COL23A1: variants seen among roughly 807,000 people sequenced by gnomAD.
COL23A1 encodes the protein collagen alpha-1(XXIII) chain.
In COL23A1, 97 loss-of-function variants were observed where a neutral mutation model predicts 99.3. The observed-to-expected ratio is 0.98, with a 90% CI of 0.83 to 1.16. The LOEUF (loss-of-function observed/expected upper bound fraction) is 1.16. COL23A1 is among the 50% of genes most tolerant of loss of function. The pLI is 0.00. For synonymous variants in COL23A1, 320 were observed against 308.2 expected (o/e 1.04, Z -0.40); for missense variants, 762 against 757.4 (o/e 1.01, Z -0.07).
chr5:178,320,436 GTCCCCTCACCTCAT>G (rs1759230652), intron 2 of COL23A1, among the ~76,000 whole-genome samples: 1 of 152,194 alleles, frequency 6.6e-6, no homozygotes, highest in African/African-American at 2.4e-5. Flanking sequence ...ACAGCCCTGC[GTCCCCTCACCTCAT>G]TCTCAGAGCA....
Position 178,589,420 on chromosome 5 carries a change from G to GGC in COL23A1, c.294+483_294+484insGC, listed in dbSNP as rs75312186. Among the ~76,000 whole-genome samples the GGC allele has an allele frequency of 0.11, 16,953 of 152,104 alleles. 1,393 individuals are homozygous for GGC. The highest frequency in any genetic ancestry group is 0.31 in the East Asian group (1,586 of 5,098). ...GCTGGAGACACACTGGAGCACAGCG[G>GGC]GGCCCAGCCCTCGGGCCTGTCTGAG... On this transcript the variant is annotated intron_variant, in intron 1 of 28. Coordinates refer to ENST00000390654, the MANE Select transcript of COL23A1 (RefSeq NM_173465.4). The surrounding 1 kb of genome is among the most constrained non-coding windows in gnomAD (Gnocchi z 5.4).
chr5:178,319,887 C>CCTCCCTAT (rs146607015), intron 2 of COL23A1, among the ~76,000 whole-genome samples: 29 of 151,492 alleles, frequency 1.9e-4, no homozygotes, highest in African/African-American at 7.0e-4. Context: ...GAGGCCTCCC[C>CCTCCCTAT]CGCCCTATCT....
intron 2 of COL23A1, among the ~76,000 whole-genome samples, chr5:178,474,742 A>G (rs1011564151): frequency 6.6e-6 from 1 of 152,252 alleles, no homozygotes; most frequent in Non-Finnish European, 1.5e-5. Flanking sequence ...AAGAAAATCA[A>G]TTGCTCCCAA....
rs372511872 is a variant in COL23A1 at position 178,268,661 on chromosome 5, C to T, written c.495+69G>A. 1.5e-4 allele frequency: 237 copies of T among 1,536,006 alleles called. 3 individuals are homozygous for T. In the African/African-American group the frequency reaches 2.1e-3, roughly 14 times the overall value. On this transcript the variant is annotated intron_variant, in intron 7 of 28. Coordinates refer to ENST00000390654, the MANE Select transcript of COL23A1 (RefSeq NM_173465.4). ...GTGCTCAAGGGCACACTGGAACTGG[C>T]GTTCGGAGGCAGGTTTCTGGGATTC...
At chr5:178,374,542 C>T (rs1271467164) in intron 2 of COL23A1, among the ~76,000 whole-genome samples, 1 of 152,228 alleles carries the variant, frequency 6.6e-6, no homozygotes, top group Non-Finnish European at 1.5e-5. Context: ...CCTGTGACTT[C>T]TCTGTGCCTC....
intron 2 of COL23A1, among the ~76,000 whole-genome samples, chr5:178,320,618 T>C (rs1238509840): frequency 6.6e-6 from 1 of 152,192 alleles, no homozygotes; most frequent in Non-Finnish European, 1.5e-5. Context: ...TCCCAAATCC[T>C]GGCCTATGAG....
chr5:178,270,330 C>T lies in COL23A1; in HGVS notation c.468+7G>A, dbSNP rs767640717. ...GGACCCCCTGGAATTGCCCTGTCATCACTTACGGGCTTGCCATCCAAACCC... is the reference window on the plus strand; with the variant it reads ...GGACCCCCTGGAATTGCCCTGTCATTACTTACGGGCTTGCCATCCAAACCC... On this transcript the variant is annotated splice_region_variant and intron_variant, in intron 6 of 28. Transcript: ENST00000390654. 6.2e-7 allele frequency: 1 copy of T among 1,613,946 alleles called. No homozygotes were observed. Among genetic ancestry groups the T allele is most frequent in the East Asian group, 2.2e-5 (1 of 44,888 alleles).
At chr5:178,262,062 G>GA (rs1765654371) in intron 10 of COL23A1, among the ~76,000 whole-genome samples, 155 bp downstream of exon 10, 1 of 152,086 alleles carries the variant, frequency 6.6e-6, no homozygotes, top group African/African-American at 2.4e-5. Context: ...GTGCACAGGG[G>GA]TCCACACACA....
intron 2 of COL23A1, among the ~76,000 whole-genome samples, chr5:178,403,410 T>C (rs1764579673): frequency 6.6e-6 from 1 of 152,094 alleles, no homozygotes; most frequent in African/African-American, 2.4e-5. Context: ...TTGCCCTTCC[T>C]TCCCTTGGAG....
chr5:178,311,351 C>T lies in COL23A1; in HGVS notation c.362-4432G>A, dbSNP rs183294876. Among the ~76,000 whole-genome samples the T allele has an allele frequency of 3.2e-3, 483 of 152,256 alleles. 9 individuals carry two copies. Among genetic ancestry groups the T allele is most frequent in the Admixed American group, 0.027 (413 of 15,302 alleles). On this transcript the variant is annotated intron_variant, in intron 2 of 28. Transcript: ENST00000390654. ...AGACTTGCCTTGCGGAATCATGAAC[C>T]AGATGAGCTGGCAGCAGACACACCA...
intron 2 of COL23A1, among the ~76,000 whole-genome samples, chr5:178,429,382 C>T (rs1330710839): frequency 6.6e-6 from 1 of 152,176 alleles, no homozygotes; most frequent in African/African-American, 2.4e-5. Context: ...CTGAGCCTCA[C>T]GGTGTGAAAG....
At chr5:178,301,982 C>CTT (rs1758070147) in intron 3 of COL23A1, among the ~76,000 whole-genome samples, 1 of 30,318 alleles carries the variant, frequency 3.3e-5, no homozygotes, top group East Asian at 3.7e-4. Context: ...CGGAGCACAG[C>CTT]CTCAATCCAC....
At position 178,283,848 on chromosome 5, in the gene COL23A1, G is replaced by A. The variant is rs184191582; in HGVS notation, c.441+4476C>T. Among the ~76,000 whole-genome samples, 414 of 152,274 alleles carry A rather than the reference G, an allele frequency of 2.7e-3. 1 individual carries two copies. The highest frequency in any genetic ancestry group is 4.0e-3 in the Non-Finnish European group (272 of 68,014). On this transcript the variant is annotated intron_variant, in intron 5 of 28. Coordinates refer to ENST00000390654, the MANE Select transcript of COL23A1 (RefSeq NM_173465.4). ...CGCTCATGATAAACAAGATACCTCC[G>A]GGAAGATGACATTGAGCTTCTAATT...
intron 2 of COL23A1, among the ~76,000 whole-genome samples, chr5:178,473,849 T>C (rs1756892625): frequency 6.6e-6 from 1 of 152,176 alleles, no homozygotes; most frequent in Non-Finnish European, 1.5e-5. Flanking sequence ...AAAGAAGCAC[T>C]TTGAAAGCTT....
At chr5:178,412,118 G>A (rs1470351133) in intron 2 of COL23A1, among the ~76,000 whole-genome samples, 1 of 152,142 alleles carries the variant, frequency 6.6e-6, no homozygotes, top group Admixed American at 6.5e-5. Flanking sequence ...CGTAAGTATC[G>A]ATCAATTGAG....
intron 2 of COL23A1, among the ~76,000 whole-genome samples, chr5:178,412,528 A>G (rs1296844896): frequency 1.3e-5 from 2 of 152,162 alleles, no homozygotes; most frequent in Non-Finnish European, 2.9e-5. Flanking sequence ...GGAATTCTGT[A>G]TATCTTTCTT....
chr5:178,451,734 A>C (rs1380526292), intron 2 of COL23A1, among the ~76,000 whole-genome samples: 1 of 151,936 alleles, frequency 6.6e-6, no homozygotes, highest in East Asian at 1.9e-4. Flanking sequence ...GATTAGATCT[A>C]AAGAAAGAAA....
intron 2 of COL23A1, among the ~76,000 whole-genome samples, chr5:178,552,081 G>A (rs544967199): frequency 9.0e-4 from 137 of 152,182 alleles, no homozygotes; most frequent in African/African-American, 3.1e-3. Context: ...TCCCCAGGAA[G>A]GACCCTCCTC....
At chr5:178,239,028 A>C in intron 28 of COL23A1, 113 bp downstream of exon 28, 1 of 1,215,546 alleles carries the variant, frequency 8.2e-7, no homozygotes, top group Non-Finnish European at 1.2e-6. Context: ...CTGTGCGAGA[A>C]GCCGCAGACA....
Sources: allele counts gnomAD v4.1 joint callset (sites outside exome capture counted in the v4.1 genomes callset), GRCh38; gene constraint gnomAD v4.1.1; non-coding constraint Gnocchi (gnomAD v3.1); transcripts MANE v1.5; gene names NCBI Gene and HGNC (gene_info 2026-07-23, HGNC 2026-07-21).